The following SLC49A4 variants were observed in gnomAD, a reference collection of about 807,000 sequenced individuals.
The protein encoded by SLC49A4 is disrupted in renal cancer protein 2.
SLC49A4 carries 36 observed loss-of-function variants against 50.6 expected under a neutral mutation model. The observed-to-expected ratio is 0.71, with a 90% CI of 0.55 to 0.94. The LOEUF is 0.94. Among genes scored for constraint, SLC49A4 ranks in the 40% least tolerant of loss-of-function variants. The pLI, the probability that SLC49A4 is intolerant of heterozygous loss-of-function variation, is 0.00. For synonymous variants in SLC49A4, 248 were observed against 241.2 expected, an observed-to-expected ratio of 1.03 and a Z score of -0.26; for missense variants, 503 against 605.7, an observed-to-expected ratio of 0.83 and a Z score of 1.78.
At chr3:122,839,397 A>G (rs1247715436) in intron 4 of SLC49A4, among the ~76,000 whole-genome samples, 3 of 152,150 alleles carry the variant, frequency 2.0e-5, no homozygotes, top group South Asian at 4.1e-4. Context: ...ACGGGACCTA[A>G]TTAAACAAAA....
Position 122,836,204 on chromosome 3 carries a change from AG to A in SLC49A4, c.833+2761del, listed in dbSNP as rs1475196997. ...TAATTTATTGAGAGTTTTAGCATGA[AG>A]GGTTGTTGAATTTTGTCAAAGGCCT... On this transcript the variant is annotated intron_variant, in intron 4 of 8. Coordinates refer to ENST00000261038, the MANE Select transcript of SLC49A4 (RefSeq NM_032839.3). Among the ~76,000 whole-genome samples, 11 of 152,236 alleles carry A rather than the reference AG, an allele frequency of 7.2e-5. No individual in the cohort carries two copies. In the South Asian group the frequency reaches 1.2e-3, roughly 17 times the overall value.
chr3:122,876,356 A>G (rs76861851), intron 8 of SLC49A4, among the ~76,000 whole-genome samples: 1,951 of 152,338 alleles, frequency 0.013, 41 homozygotes, highest in African/African-American at 0.043. Flanking sequence ...GTGGCTGACC[A>G]TGAATGTGAG....
At chr3:122,837,325 C>T (rs1207763487) in intron 4 of SLC49A4, among the ~76,000 whole-genome samples, 1 of 152,136 alleles carries the variant, frequency 6.6e-6, no homozygotes, top group Non-Finnish European at 1.5e-5. Flanking sequence ...TACAAGGCTA[C>T]AGTAACCAAA....
chr3:122,856,415 G>A, intron 6 of SLC49A4, 41 bp downstream of exon 6: 1 of 1,567,446 alleles, frequency 6.4e-7, no homozygotes, highest in Non-Finnish European at 8.8e-7. Context: ...ACAGAGCAGG[G>A]GGAAAAAGCC....
intron 4 of SLC49A4, among the ~76,000 whole-genome samples, chr3:122,839,216 A>G (rs532341219): frequency 2.6e-5 from 4 of 152,142 alleles, no homozygotes; most frequent in East Asian, 1.9e-4. Context: ...CTGGATCCCT[A>G]TCTCTCACCT....
intron 7 of SLC49A4, among the ~76,000 whole-genome samples, chr3:122,871,623 G>A (rs1208562807): frequency 1.3e-5 from 2 of 151,720 alleles, no homozygotes; most frequent in Non-Finnish European, 2.9e-5. Flanking sequence ...TTCTAAATAG[G>A]GTATCATTCT....
At chr3:122,810,320 A>G (rs148238812) in intron 2 of SLC49A4, among the ~76,000 whole-genome samples, 1,719 of 152,312 alleles carry the variant, frequency 0.011, 26 homozygotes, top group Non-Finnish European at 0.011. Context: ...TTCTTATAAC[A>G]TCTTAGATAA....
In SLC49A4 at chr3:122,857,284, T is replaced by TAAAAAA. The variant is rs10694942; in HGVS notation, c.1010+926_1010+931dup. 1.4e-4 allele frequency among the ~76,000 whole-genome samples: 15 copies of TAAAAAA among 109,376 alleles called. No individual in the cohort carries two copies. The East Asian group carries it at 2.3e-3, about 17-fold the overall frequency. The allele number at this position is 109,376 out of a possible 152,430, so 71.8% of individuals were successfully genotyped here. ...AGTAGGAAAAAGGTCCCATTCGTTCTAAAAAAAAAAAAAAAAAAAAAGGAA... is the reference window on the plus strand; with the variant it reads ...AGTAGGAAAAAGGTCCCATTCGTTCTAAAAAAAAAAAAAAAAAAAAAAAAAAAGGAA... On this transcript the variant is annotated intron_variant, in intron 6 of 8. Transcript: ENST00000261038.
At chr3:122,876,060 A>C (rs755684447) in intron 8 of SLC49A4, among the ~76,000 whole-genome samples, 4 of 152,224 alleles carry the variant, frequency 2.6e-5, no homozygotes, top group Non-Finnish European at 4.4e-5. Flanking sequence ...CTTTCAAAAA[A>C]AAAGTTGTTA....
At chr3:122,838,739 T>G (rs1201234422) in intron 4 of SLC49A4, among the ~76,000 whole-genome samples, 1 of 151,702 alleles carries the variant, frequency 6.6e-6, no homozygotes, top group Non-Finnish European at 1.5e-5. Flanking sequence ...AAATCATAGA[T>G]GACACAAAAA....
intron 7 of SLC49A4, among the ~76,000 whole-genome samples, chr3:122,870,258 T>G (rs2107583359): frequency 6.6e-6 from 1 of 152,244 alleles, no homozygotes; most frequent in African/African-American, 2.4e-5. Flanking sequence ...TGTTACTTAC[T>G]TCAGTATTTT....
At chr3:122,850,043 T>C (rs1167080938) in intron 5 of SLC49A4, among the ~76,000 whole-genome samples, 1 of 152,174 alleles carries the variant, frequency 6.6e-6, no homozygotes, top group Non-Finnish European at 1.5e-5. Flanking sequence ...ATAAACATGC[T>C]CTTTGATGCT....
chr3:122,874,994 C>T (rs901427246), intron 8 of SLC49A4, among the ~76,000 whole-genome samples: 2 of 152,134 alleles, frequency 1.3e-5, no homozygotes, highest in African/African-American at 2.4e-5. Flanking sequence ...ACAGAAACAT[C>T]GTCCACATCT....
chr3:122,812,304 C>A (rs1412191708), intron 2 of SLC49A4, among the ~76,000 whole-genome samples: 1 of 152,128 alleles, frequency 6.6e-6, no homozygotes, highest in Non-Finnish European at 1.5e-5. Flanking sequence ...CTAAAATCAC[C>A]ACCTCAGAGC....
chr3:122,851,310 G>A (rs1234651996), intron 5 of SLC49A4, among the ~76,000 whole-genome samples: 1 of 151,820 alleles, frequency 6.6e-6, no homozygotes, highest in African/African-American at 2.4e-5. Context: ...TTTGTTTATT[G>A]TACAGGTCTG....
intron 5 of SLC49A4, among the ~76,000 whole-genome samples, chr3:122,851,721 A>C (rs1936929277): frequency 6.6e-6 from 1 of 152,056 alleles, no homozygotes; most frequent in African/African-American, 2.4e-5. Flanking sequence ...TGTCTCTTCA[A>C]AACTTGTGCT....
intron 5 of SLC49A4, 111 bp from the exon 6 acceptor site, chr3:122,856,196 T>C: frequency 1.1e-6 from 1 of 914,800 alleles, no homozygotes. Context: ...TGAATTCTTT[T>C]ATTTCATCCA....
At chr3:122,801,554 G>A (rs77307349) in intron 1 of SLC49A4, among the ~76,000 whole-genome samples, 4,874 of 152,172 alleles carry the variant, frequency 0.032, 109 homozygotes, top group Middle Eastern at 0.078. Flanking sequence ...TCGAGATCGC[G>A]CCATTACACT....
At chr3:122,829,164 A>G (rs1297884690) in intron 3 of SLC49A4, among the ~76,000 whole-genome samples, 2 of 152,242 alleles carry the variant, frequency 1.3e-5, no homozygotes, top group Non-Finnish European at 2.9e-5. Context: ...GATGAGTATA[A>G]ACACAAAAGT....
Sources: gnomAD v4.1 joint callset for allele counts (sites outside exome capture counted in the v4.1 genomes callset) on GRCh38, gnomAD v4.1.1 for gene constraint, MANE v1.5 for transcripts, NCBI Gene and HGNC (gene_info 2026-07-23, HGNC 2026-07-21) for gene names.